Variants in MAGI2 observed in about 807,000 individuals in gnomAD.
The protein encoded by MAGI2 is membrane associated guanylate kinase, WW and PDZ domain containing 2.
Under a neutral mutation model 133.3 loss-of-function variants are expected in MAGI2, and 35 were observed. The observed-to-expected ratio is 0.26, with a 90% CI of 0.20 to 0.35. MAGI2 has a LOEUF of 0.35. MAGI2 is among the 10% of genes least tolerant of loss of function. The pLI is 1.00. For synonymous variants in MAGI2, 729 were observed against 710.6 expected (o/e 1.03, Z -0.41); for missense variants, 1,636 against 1,863.4 (o/e 0.88, Z 2.25).
At chr7:78,995,797 T>G (rs1806230862) in intron 2 of MAGI2, among the ~76,000 whole-genome samples, 1 of 152,156 alleles carries the variant, frequency 6.6e-6, no homozygotes, top group Non-Finnish European at 1.5e-5. Flanking sequence ...TTTCCAGAGC[T>G]TCTGTTACAG....
chr7:78,602,455 C>A (rs554920154), intron 3 of MAGI2, among the ~76,000 whole-genome samples: 1 of 152,296 alleles, frequency 6.6e-6, no homozygotes, highest in African/African-American at 2.4e-5. Context: ...CCACCATACC[C>A]GGCCGATTAA....
At chr7:78,134,885 A>G in intron 17 of MAGI2, 136 bp downstream of exon 17, 1 of 699,034 alleles carries the variant, frequency 1.4e-6, no homozygotes, top group East Asian at 2.7e-5. Flanking sequence ...TGGAAATAAT[A>G]ATCAACCTCT....
intron 3 of MAGI2, among the ~76,000 whole-genome samples, chr7:78,523,192 T>G (rs536996328): frequency 1.3e-5 from 2 of 152,194 alleles, no homozygotes; most frequent in African/African-American, 2.4e-5. Flanking sequence ...ACTTAACCTC[T>G]GTAAGGCTCA....
chr7:78,265,197 A>G (rs1364958136), intron 9 of MAGI2, among the ~76,000 whole-genome samples: 13 of 152,188 alleles, frequency 8.5e-5, no homozygotes, highest in Non-Finnish European at 2.9e-5. Context: ...GAGTGGTAAG[A>G]TATATTTAAA....
At chr7:78,336,942 C>T (rs1170267987) in intron 9 of MAGI2, among the ~76,000 whole-genome samples, 1 of 152,066 alleles carries the variant, frequency 6.6e-6, no homozygotes, top group African/African-American at 2.4e-5. Context: ...TAATTCAACC[C>T]CTGCCTATGG....
intron 2 of MAGI2, among the ~76,000 whole-genome samples, chr7:78,968,980 T>A (rs924377462): frequency 7.2e-5 from 11 of 152,050 alleles, no homozygotes; most frequent in African/African-American, 2.4e-4. Context: ...TTTTCTAATA[T>A]AAAGCAGCCT....
chr7:78,766,082 T>C (rs530420761), intron 2 of MAGI2, among the ~76,000 whole-genome samples: 2 of 152,338 alleles, frequency 1.3e-5, no homozygotes, highest in East Asian at 1.9e-4. Context: ...TTTGAGCTTT[T>C]GTGGCCCTTT....
chr7:78,363,337 C>T (rs1448089928), intron 7 of MAGI2, among the ~76,000 whole-genome samples: 1 of 151,998 alleles, frequency 6.6e-6, no homozygotes, highest in Non-Finnish European at 1.5e-5. Context: ...ACTAAAAATA[C>T]AAAAAATTAG....
At chr7:79,272,801 ATTGAG>A (rs1834969988) in intron 1 of MAGI2, among the ~76,000 whole-genome samples, 1 of 152,102 alleles carries the variant, frequency 6.6e-6, no homozygotes, top group Non-Finnish European at 1.5e-5. Context: ...GATCTAGTTA[ATTGAG>A]TTAATTCACA....
intron 2 of MAGI2, among the ~76,000 whole-genome samples, chr7:78,639,411 G>A (rs760195153): frequency 6.6e-6 from 1 of 152,128 alleles, no homozygotes; most frequent in Non-Finnish European, 1.5e-5. Flanking sequence ...AAACAAAGAA[G>A]AGAGGGAGGA....
At chr7:79,062,722 C>A (rs967012332) in intron 1 of MAGI2, among the ~76,000 whole-genome samples, 7 of 151,808 alleles carry the variant, frequency 4.6e-5, no homozygotes, top group African/African-American at 1.7e-4. Context: ...TCCATGCCAG[C>A]GAGGAAGCTC....
At chr7:78,336,779 GAA>G in intron 9 of MAGI2, among the ~76,000 whole-genome samples, 1 of 92,168 alleles carries the variant, frequency 1.1e-5, no homozygotes, top group South Asian at 4.5e-4. Context: ...AGAAGAAGAA[GAA>G]AAGAAAGAAG....
chr7:78,328,818 G>T (rs548128089), intron 9 of MAGI2, among the ~76,000 whole-genome samples: 1 of 152,100 alleles, frequency 6.6e-6, no homozygotes, highest in Non-Finnish European at 1.5e-5. Context: ...CCCATAGTCA[G>T]ATAAGAAAAT....
chr7:78,029,643 G>A (rs540132744), intron 21 of MAGI2, among the ~76,000 whole-genome samples: 1 of 152,238 alleles, frequency 6.6e-6, no homozygotes, highest in Non-Finnish European at 1.5e-5. Context: ...TAACAGAACA[G>A]TCTGCAAACG....
In MAGI2 at chr7:78,068,985, G is replaced by A. The variant is rs370223120; in HGVS notation, c.3706+9962C>T. ...AATAGGTCCAGCTGAGAGGTTCGAA[G>A]CCTTTTCTGGAATCAACATTCTCAC... On this transcript the variant is annotated intron_variant, in intron 21 of 21. Coordinates refer to ENST00000354212, the MANE Select transcript of MAGI2 (RefSeq NM_012301.4). Among the ~76,000 whole-genome samples, 39 of 152,318 alleles carry A rather than the reference G, an allele frequency of 2.6e-4. No homozygotes were observed. In the South Asian group the frequency reaches 7.3e-3, roughly 28 times the overall value.
Position 78,488,444 on chromosome 7 carries a change from T to C in MAGI2, c.1045+1317A>G, listed in dbSNP as rs540498318. On this transcript the variant is annotated intron_variant, in intron 6 of 21. Transcript: ENST00000354212. The stretch of plus-strand genomic sequence containing the variant: ...AGAACTGCAAAATTGTTAAATTCAC[T>C]TTAATTAGGATATATTAAGGTTTTA... 1.5e-4 allele frequency among the ~76,000 whole-genome samples: 23 copies of C among 152,186 alleles called. 1 individual carries two copies. In the East Asian group the frequency reaches 3.1e-3, roughly 21 times the overall value.
intron 2 of MAGI2, among the ~76,000 whole-genome samples, chr7:79,003,684 C>A (rs776502531): frequency 6.6e-6 from 1 of 152,314 alleles, no homozygotes; most frequent in East Asian, 1.9e-4. Context: ...GGACACACTT[C>A]TACTGCACCC....
intron 9 of MAGI2, among the ~76,000 whole-genome samples, chr7:78,320,435 G>A (rs559856635): frequency 1.3e-5 from 2 of 152,182 alleles, no homozygotes; most frequent in South Asian, 2.1e-4. Context: ...TGATTAAGTC[G>A]GCTTTGTCCC....
At chr7:79,238,368 T>C (rs1210823531) in intron 1 of MAGI2, among the ~76,000 whole-genome samples, 1 of 152,192 alleles carries the variant, frequency 6.6e-6, no homozygotes, top group Non-Finnish European at 1.5e-5. Context: ...CATGTGTTTC[T>C]GTTCCTTTTT....
Sources: gnomAD v4.1 joint callset for allele counts (sites outside exome capture counted in the v4.1 genomes callset) on GRCh38, gnomAD v4.1.1 for gene constraint, MANE v1.5 for transcripts, NCBI Gene and HGNC (gene_info 2026-07-23, HGNC 2026-07-21) for gene names.